Variants in PPP2R3A observed in about 807,000 individuals in gnomAD.
PPP2R3A encodes the protein serine/threonine-protein phosphatase 2A regulatory subunit B'' subunit alpha.
In PPP2R3A, 80 loss-of-function variants were observed where a neutral mutation model predicts 106.9. That is an observed-to-expected ratio of 0.75 (90% CI 0.62 to 0.90). The LOEUF is 0.90. Among genes scored for constraint, PPP2R3A ranks in the 40% least tolerant of loss-of-function variants. The probability of loss-of-function intolerance (pLI) is 0.00; values close to 1 mark genes in which losing one functional copy is unlikely to be tolerated. For synonymous variants in PPP2R3A, 483 were observed against 468.3 expected, an observed-to-expected ratio of 1.03 and a Z score of -0.41; for missense variants, 1,386 against 1,350.4, an observed-to-expected ratio of 1.03 and a Z score of -0.41.
chr3:136,125,672 C>A (rs1033912324), intron 13 of PPP2R3A, among the ~76,000 whole-genome samples: 2 of 152,042 alleles, frequency 1.3e-5, no homozygotes, highest in African/African-American at 2.4e-5. Flanking sequence ...CATAGTGAGA[C>A]CCCATCCCTA....
At chr3:136,126,492 C>G (rs1225001540) in intron 13 of PPP2R3A, among the ~76,000 whole-genome samples, 1 of 152,228 alleles carries the variant, frequency 6.6e-6, no homozygotes, top group Non-Finnish European at 1.5e-5. Context: ...CAGAGCCCAC[C>G]ACAGCTCAAC....
At chr3:135,973,969 C>G (rs1427877217) in intron 1 of PPP2R3A, among the ~76,000 whole-genome samples, 1 of 152,144 alleles carries the variant, frequency 6.6e-6, no homozygotes, top group Non-Finnish European at 1.5e-5. Context: ...AGGCCCCTTC[C>G]CCCACTGAAG....
At chr3:136,093,441 C>T (rs955014227) in intron 10 of PPP2R3A, among the ~76,000 whole-genome samples, 1 of 151,988 alleles carries the variant, frequency 6.6e-6, no homozygotes, top group African/African-American at 2.4e-5. Flanking sequence ...TTTTGTGCAT[C>T]AAAAGATATG....
At chr3:136,134,690 A>C (rs12330335) in intron 13 of PPP2R3A, among the ~76,000 whole-genome samples, 29,844 of 152,154 alleles carry the variant, frequency 0.2, 3,430 homozygotes, top group Non-Finnish European at 0.27. Flanking sequence ...ATACTGTTCT[A>C]TAATTTATAA....
At chr3:136,055,491 G>GA in intron 5 of PPP2R3A, 1 of 1,171,266 alleles carries the variant, frequency 8.5e-7, no homozygotes, top group East Asian at 2.4e-5. Context: ...ACAGAGACCA[G>GA]TTTAGTTTGG....
At chr3:136,073,511 A>G (rs1374494888) in intron 6 of PPP2R3A, among the ~76,000 whole-genome samples, 6 of 152,236 alleles carry the variant, frequency 3.9e-5, no homozygotes, top group African/African-American at 1.2e-4. Context: ...TCCAATGCAC[A>G]AAAGTGAATC....
chr3:136,072,622 C>T (rs1559903417), intron 6 of PPP2R3A, among the ~76,000 whole-genome samples: 1 of 152,118 alleles, frequency 6.6e-6, no homozygotes, highest in African/African-American at 2.4e-5. Flanking sequence ...CTAGCTCTGG[C>T]TGCAGTCCCA....
At chr3:136,120,764 T>C (rs765084368) in intron 13 of PPP2R3A, among the ~76,000 whole-genome samples, 3 of 151,732 alleles carry the variant, frequency 2.0e-5, no homozygotes, top group Non-Finnish European at 4.4e-5. Flanking sequence ...AAAATGCCCA[T>C]AGGACATGAA....
Position 136,026,979 on chromosome 3 carries a change from C to T in PPP2R3A, c.2143C>T (p.Pro715Ser). 6.2e-7 allele frequency: 1 copy of T among 1,613,468 alleles called. No individual in the cohort carries two copies. The highest frequency in any genetic ancestry group is 8.5e-7 in the Non-Finnish European group (1 of 1,179,446). The change falls in exon 3 of 14, where the codon CCT (proline) becomes TCT (serine). Residue 715 changes from proline (P) to serine (S), a missense_variant. Physicochemically the swap from Pro to Ser is moderately conservative, Grantham distance 74. Coordinates refer to ENST00000264977, the MANE Select transcript of PPP2R3A (RefSeq NM_002718.5). ...CATAAACATTCCACGGTTCTACTTT[C>T]CTGAAGGACTCCCAGATACCTGTAG... Reference protein sequence around the residue: ...LSINIPRFYFPEGLPDTCSNH... With the variant: ...LSINIPRFYFSEGLPDTCSNH...
intron 1 of PPP2R3A, among the ~76,000 whole-genome samples, chr3:135,971,250 T>C (rs1048646924): frequency 3.3e-5 from 5 of 152,192 alleles, no homozygotes; most frequent in Admixed American, 1.3e-4. Flanking sequence ...GTTGGAGATG[T>C]AGGCCCTCAT....
At chr3:136,071,163 G>A (rs143758383) in intron 6 of PPP2R3A, among the ~76,000 whole-genome samples, 10 of 152,308 alleles carry the variant, frequency 6.6e-5, no homozygotes, top group African/African-American at 1.4e-4. Flanking sequence ...TATCTTTGGA[G>A]ACATTCCACC....
chr3:136,095,785 G>T (rs10512990), intron 10 of PPP2R3A, among the ~76,000 whole-genome samples: 28,081 of 152,120 alleles, frequency 0.18, 3,226 homozygotes, highest in Non-Finnish European at 0.27. Flanking sequence ...TAGGTACCCT[G>T]CATGTTATTC....
At chr3:136,077,232 C>T (rs1258868593) in intron 6 of PPP2R3A, among the ~76,000 whole-genome samples, 1 of 152,152 alleles carries the variant, frequency 6.6e-6, no homozygotes, top group Non-Finnish European at 1.5e-5. Context: ...CGCTGGACAG[C>T]TGAAATCTAG....
At chr3:136,134,847 A>AAGAC (rs1312691478) in intron 13 of PPP2R3A, among the ~76,000 whole-genome samples, 1 of 152,174 alleles carries the variant, frequency 6.6e-6, no homozygotes, top group Non-Finnish European at 1.5e-5. Flanking sequence ...TCACCACCCA[A>AAGAC]AGACAGGCTG....
At chr3:136,035,360 G>A (rs1313733521) in intron 3 of PPP2R3A, among the ~76,000 whole-genome samples, 2 of 152,148 alleles carry the variant, frequency 1.3e-5, no homozygotes, top group East Asian at 3.8e-4. Context: ...TCTGTTTTGG[G>A]TGTTTCCAGG....
In PPP2R3A at chr3:136,145,118, A is replaced by C. The variant is rs537468240; in HGVS notation, c.3405A>C (p.Ala1135=). The C allele has an allele frequency of 1.2e-6, 2 of 1,613,712 alleles. No homozygotes were observed. The highest frequency in any genetic ancestry group is 2.7e-5 in the African/African-American group (2 of 74,926). The change falls in exon 14 of 14, where the codon GCA becomes GCC. Residue 1135 remains alanine, a synonymous_variant. Transcript: ENST00000264977. ...FGNKSNKILS[A]SLPEKCGKLQ... is the part of the protein sequence containing the mutation. ...ACAAAAGCAATAAAATATTAAGTGC[A>C]AGCCTTCCAGAGAAATGTGGAAAGC... is the stretch of plus-strand genomic sequence containing the variant.
chr3:136,061,055 T>A (rs1463728315), intron 5 of PPP2R3A, among the ~76,000 whole-genome samples: 1 of 152,050 alleles, frequency 6.6e-6, no homozygotes, highest in Non-Finnish European at 1.5e-5. Flanking sequence ...AAGAATAAAC[T>A]GTATGAAAAC....
intron 3 of PPP2R3A, among the ~76,000 whole-genome samples, chr3:136,036,399 C>T (rs1190825577): frequency 6.6e-6 from 1 of 152,154 alleles, no homozygotes; most frequent in African/African-American, 2.4e-5. Context: ...ATTCTTTTGT[C>T]CCACAGGGTG....
At chr3:136,141,201 T>C (rs984177123) in intron 13 of PPP2R3A, among the ~76,000 whole-genome samples, 13 of 152,344 alleles carry the variant, frequency 8.5e-5, no homozygotes, top group African/African-American at 2.2e-4. Flanking sequence ...TTGCAACTTA[T>C]GGTGCTGAGG....
Sources: allele counts gnomAD v4.1 joint callset (sites outside exome capture counted in the v4.1 genomes callset), GRCh38; gene constraint gnomAD v4.1.1; transcripts MANE v1.5; gene names NCBI Gene and HGNC (gene_info 2026-07-23, HGNC 2026-07-21).